MGAT4C: variants seen among roughly 807,000 people sequenced by gnomAD.
MGAT4C encodes alpha-1,3-mannosyl-glycoprotein 4-beta-N-acetylglucosaminyltransferase C.
Under a neutral mutation model 40.1 loss-of-function variants are expected in MGAT4C, and 19 were observed. The observed-to-expected ratio is 0.47, with a 90% confidence interval of 0.33 to 0.70. The LOEUF (loss-of-function observed/expected upper bound fraction) is 0.70, where lower values mean the gene tolerates loss of function less well. MGAT4C is among the 30% of genes least tolerant of loss of function. The probability of loss-of-function intolerance (pLI) is 0.02; values close to 1 mark genes in which losing one functional copy is unlikely to be tolerated. For synonymous variants in MGAT4C, 181 were observed against 187.1 expected, an observed-to-expected ratio of 0.97 and a Z score of 0.27; for missense variants, 491 against 563.2, an observed-to-expected ratio of 0.87 and a Z score of 1.30.
intron 2 of MGAT4C, among the ~76,000 whole-genome samples, chr12:86,674,045 C>T (rs1032496548): frequency 1.3e-5 from 2 of 151,862 alleles, no homozygotes; most frequent in Non-Finnish European, 1.5e-5. Flanking sequence ...ATAAAATAAA[C>T]GTTTACAAGT....
At chr12:86,247,657 A>G (rs990500717) in intron 1 of MGAT4C, among the ~76,000 whole-genome samples, 4 of 152,236 alleles carry the variant, frequency 2.6e-5, no homozygotes, top group African/African-American at 9.6e-5. Context: ...AAACATGTGG[A>G]AAAGGTTCAG....
intron 1 of MGAT4C, among the ~76,000 whole-genome samples, chr12:86,057,241 A>G (rs1366654216): frequency 1.3e-5 from 2 of 152,064 alleles, no homozygotes; most frequent in Non-Finnish European, 2.9e-5. Context: ...ACAGTGGCAC[A>G]ATCATGGCTC....
chr12:86,771,663 T>C (rs1565979426), intron 1 of MGAT4C, among the ~76,000 whole-genome samples: 1 of 150,626 alleles, frequency 6.6e-6, no homozygotes, highest in Non-Finnish European at 1.5e-5. Context: ...CTTGTTTATG[T>C]AAAAAAAAGT....
chr12:86,120,357 T>C (rs1397495461), intron 1 of MGAT4C, among the ~76,000 whole-genome samples: 7 of 152,044 alleles, frequency 4.6e-5, no homozygotes, highest in Non-Finnish European at 7.4e-5. Flanking sequence ...TCTGCAGACT[T>C]AAACTTCCCA....
intron 1 of MGAT4C, among the ~76,000 whole-genome samples, chr12:86,788,568 T>A (rs1015175348): frequency 5.3e-5 from 8 of 152,188 alleles, no homozygotes; most frequent in African/African-American, 1.9e-4. Context: ...AAATTCCTTT[T>A]GTTTTCCATA....
At chr12:86,768,787 A>C (rs1455298804) in intron 1 of MGAT4C, among the ~76,000 whole-genome samples, 18 of 152,140 alleles carry the variant, frequency 1.2e-4, no homozygotes, top group African/African-American at 9.7e-5. Context: ...CTATTTAATC[A>C]ATGGTGCTGG....
intron 2 of MGAT4C, among the ~76,000 whole-genome samples, chr12:86,630,042 T>G (rs1005611238): frequency 6.6e-6 from 1 of 151,886 alleles, no homozygotes. Context: ...AAGAATCAAA[T>G]AGATACAATA....
intron 1 of MGAT4C, among the ~76,000 whole-genome samples, chr12:86,831,893 T>A (rs905535519): frequency 3.3e-5 from 5 of 151,854 alleles, no homozygotes; most frequent in Non-Finnish European, 7.4e-5. Flanking sequence ...CTCTTTATGA[T>A]GATTATATTT....
intron 2 of MGAT4C, among the ~76,000 whole-genome samples, chr12:86,547,708 G>C (rs61950808): frequency 0.043 from 6,533 of 152,182 alleles, 194 homozygotes; most frequent in Non-Finnish European, 0.066. Context: ...GATGCAGTCA[G>C]AACACAAAGT....
At chr12:86,730,000 G>A (rs1010483131) in intron 1 of MGAT4C, among the ~76,000 whole-genome samples, 2 of 151,706 alleles carry the variant, frequency 1.3e-5, no homozygotes, top group East Asian at 3.9e-4. Context: ...TAAATCTTAG[G>A]TGATGGAAAA....
chr12:86,019,054 C>A (rs1889380978), intron 2 of MGAT4C, among the ~76,000 whole-genome samples: 2 of 151,800 alleles, frequency 1.3e-5, no homozygotes, highest in African/African-American at 4.8e-5. Flanking sequence ...TGAAAAAGGG[C>A]CTGGTTAGAA....
chr12:86,631,880 G>T (rs572735086), intron 2 of MGAT4C, among the ~76,000 whole-genome samples: 15 of 152,006 alleles, frequency 9.9e-5, no homozygotes, highest in Non-Finnish European at 1.9e-4. Flanking sequence ...AAAAGCAATG[G>T]CAACAAAAGC....
intron 1 of MGAT4C, among the ~76,000 whole-genome samples, chr12:86,748,279 A>T (rs73179372): frequency 6.6e-6 from 1 of 151,748 alleles, no homozygotes; most frequent in Non-Finnish European, 1.5e-5. Context: ...GAACTGTAAC[A>T]AACAGTTCTA....
intron 1 of MGAT4C, among the ~76,000 whole-genome samples, chr12:86,782,416 C>T (rs1027184280): frequency 2.2e-4 from 33 of 151,814 alleles, no homozygotes; most frequent in African/African-American, 8.0e-4. Context: ...CTCCTGACCT[C>T]GTGATCCTCC....
intron 1 of MGAT4C, among the ~76,000 whole-genome samples, chr12:86,181,479 G>T (rs1443162248): frequency 3.3e-5 from 5 of 152,076 alleles, no homozygotes; most frequent in African/African-American, 1.2e-4. Context: ...AAACTATATA[G>T]TATATAAAAC....
At chr12:86,417,388 C>T (rs1004230246) in intron 3 of MGAT4C, among the ~76,000 whole-genome samples, 2 of 151,834 alleles carry the variant, frequency 1.3e-5, no homozygotes, top group Non-Finnish European at 1.5e-5. Context: ...AAAGTAAAAA[C>T]GTAAGTAATC....
chr12:86,099,258 G>A (rs369532318), intron 1 of MGAT4C, among the ~76,000 whole-genome samples: 2 of 151,050 alleles, frequency 1.3e-5, no homozygotes, highest in Non-Finnish European at 3.0e-5. Flanking sequence ...AGTGAAGATC[G>A]ACATTTTCTT....
chr12:86,140,761 C>T lies in MGAT4C; in HGVS notation c.-56-91038G>A, dbSNP rs145213725. Among the ~76,000 whole-genome samples, 688 of 152,268 alleles carry T rather than the reference C, an allele frequency of 4.5e-3. 2 individuals are homozygous for T. Among genetic ancestry groups the T allele is most frequent in the African/African-American group, 0.015 (632 of 41,552 alleles). On this transcript the variant is annotated intron_variant, in intron 1 of 4. Transcript: ENST00000611864. ...TTGTTCACAAATTTATTTAGAGCAACTAGAATGTACTTGACAAATAGTCAA... is the reference window on the plus strand; with the variant it reads ...TTGTTCACAAATTTATTTAGAGCAATTAGAATGTACTTGACAAATAGTCAA...
intron 1 of MGAT4C, among the ~76,000 whole-genome samples, chr12:86,171,059 T>G (rs372808126): frequency 7.9e-5 from 12 of 151,790 alleles, no homozygotes; most frequent in African/African-American, 2.7e-4. Context: ...ATATCCATGA[T>G]GCACTGTGCT....
Sources: allele counts gnomAD v4.1 joint callset (sites outside exome capture counted in the v4.1 genomes callset), GRCh38; gene constraint gnomAD v4.1.1; transcripts MANE v1.5; gene names NCBI Gene and HGNC (gene_info 2026-07-23, HGNC 2026-07-21).